Variants in SPAG17 observed in about 807,000 individuals in gnomAD.
SPAG17 encodes sperm-associated antigen 17.
Under a neutral mutation model 273.6 loss-of-function variants are expected in SPAG17, and 169 were observed. That is an observed-to-expected ratio of 0.62 (90% CI 0.55 to 0.70). The LOEUF (loss-of-function observed/expected upper bound fraction) is 0.70. Among genes scored for constraint, SPAG17 ranks in the 30% least tolerant of loss-of-function variants. SPAG17 has a pLI of 0.00. For missense variants in SPAG17, 2,557 were observed against 2,627.8 expected, an observed-to-expected ratio of 0.97 and a Z score of 0.59; for synonymous variants, 825 against 873.2, an observed-to-expected ratio of 0.94 and a Z score of 0.97.
chr1:118,144,710 T>C (rs763304122), intron 3 of SPAG17, among the ~76,000 whole-genome samples: 16 of 152,212 alleles, frequency 1.1e-4, no homozygotes, highest in Admixed American at 2.0e-4. Flanking sequence ...GAAGGACTGA[T>C]GTGGAACGGA....
At chr1:118,074,414 C>G in intron 16 of SPAG17, 125 bp downstream of exon 16, 1 of 831,306 alleles carries the variant, frequency 1.2e-6, no homozygotes, top group Non-Finnish European at 2.0e-6. Context: ...AATAGTTCCT[C>G]TTTTCTAGCC....
intron 15 of SPAG17, 88 bp from the exon 16 acceptor site, chr1:118,074,688 G>C: frequency 8.3e-7 from 1 of 1,205,072 alleles, no homozygotes; most frequent in Non-Finnish European, 1.2e-6. Context: ...TTGCCCATAT[G>C]ATCTATGTTT....
chr1:118,151,966 G>A (rs1409297318), intron 1 of SPAG17, among the ~76,000 whole-genome samples: 1 of 152,142 alleles, frequency 6.6e-6, no homozygotes, highest in African/African-American at 2.4e-5. Flanking sequence ...TAAAAAATTA[G>A]TTACTAAAGA....
intron 45 of SPAG17, among the ~76,000 whole-genome samples, chr1:117,971,103 TGAA>T (rs1654503299): frequency 6.6e-6 from 1 of 152,170 alleles, no homozygotes; most frequent in Non-Finnish European, 1.5e-5. Flanking sequence ...CAAACATTCT[TGAA>T]GGACTTACCA....
At chr1:117,995,667 AT>A (rs1169411416) in intron 34 of SPAG17, among the ~76,000 whole-genome samples, 5 of 150,720 alleles carry the variant, frequency 3.3e-5, no homozygotes, top group Non-Finnish European at 7.4e-5. Context: ...CACAAAATGT[AT>A]CCCAAAACAC....
At chr1:118,148,175 A>C (rs1659150519) in intron 3 of SPAG17, among the ~76,000 whole-genome samples, 1 of 152,148 alleles carries the variant, frequency 6.6e-6, no homozygotes, top group Non-Finnish European at 1.5e-5. Flanking sequence ...ATGTTGCAAG[A>C]CTTTCGCTCC....
chr1:118,175,811 A>G (rs1660672709), intron 1 of SPAG17, among the ~76,000 whole-genome samples: 1 of 152,198 alleles, frequency 6.6e-6, no homozygotes, highest in Admixed American at 6.5e-5. Context: ...TAAGTGCACA[A>G]ACAAACCCAG....
chr1:118,012,505 A>C, intron 29 of SPAG17, 133 bp from the exon 30 acceptor site: 295 of 881,066 alleles, frequency 3.3e-4, no homozygotes, highest in Non-Finnish European at 4.3e-4. Context: ...GTTTTATCTC[A>C]TCTACCTGAT....
chr1:118,173,320 A>C (rs573769746), intron 1 of SPAG17, among the ~76,000 whole-genome samples: 1 of 152,300 alleles, frequency 6.6e-6, no homozygotes, highest in South Asian at 2.1e-4. Context: ...GGGAGAAAGC[A>C]GCCCAATTCC....
chr1:118,151,611 G>C (rs1659391368), intron 1 of SPAG17, among the ~76,000 whole-genome samples: 1 of 152,196 alleles, frequency 6.6e-6, no homozygotes, highest in Admixed American at 6.5e-5. Flanking sequence ...TTTTGAGGAA[G>C]ACAATTTTTT....
intron 47 of SPAG17, chr1:117,966,097 T>C (rs1291324853): frequency 6.6e-6 from 1 of 152,282 alleles, no homozygotes; most frequent in Non-Finnish European, 1.5e-5. Flanking sequence ...TTATTTCTGC[T>C]ACAAATTATA....
intron 30 of SPAG17, among the ~76,000 whole-genome samples, chr1:118,011,904 A>T (rs1659507089): frequency 6.6e-6 from 1 of 152,046 alleles, no homozygotes. Flanking sequence ...TGCATACGTT[A>T]ATTCACTTGA....
chr1:118,083,727 T>C (rs923380895), intron 13 of SPAG17, among the ~76,000 whole-genome samples: 14 of 151,940 alleles, frequency 9.2e-5, no homozygotes, highest in Admixed American at 3.3e-4. Flanking sequence ...GGAGGTTATA[T>C]TGAGCTGAGA....
rs1217468949 is a variant in SPAG17, at chr1:118,135,260, G to A, written c.315+15283C>T. 3.9e-5 allele frequency among the ~76,000 whole-genome samples: 6 copies of A among 152,136 alleles called. No homozygotes were observed. In the East Asian group the frequency reaches 9.6e-4, roughly 24 times the overall value. ...GAAAGCAAGCAGTGCTAGTTCACTA[G>A]TTCAGAAAAAAGTGTCTGGTGTCAT... On this transcript the variant is annotated intron_variant, in intron 3 of 48. Transcript: ENST00000336338.
intron 17 of SPAG17, among the ~76,000 whole-genome samples, chr1:118,072,234 A>G (rs138284247): frequency 1.4e-3 from 215 of 152,354 alleles, no homozygotes; most frequent in Middle Eastern, 6.8e-3. Flanking sequence ...GTCAGTCAAT[A>G]TAAAGATAGA....
chr1:118,099,548 C>T, intron 6 of SPAG17, 58 bp downstream of exon 6: 2 of 1,428,600 alleles, frequency 1.4e-6, no homozygotes, highest in Non-Finnish European at 2.0e-6. Context: ...TATATTTGTA[C>T]TTTAAGGACA....
At chr1:118,080,708 C>G (rs1340290504) in intron 15 of SPAG17, among the ~76,000 whole-genome samples, 1 of 152,066 alleles carries the variant, frequency 6.6e-6, no homozygotes, top group Non-Finnish European at 1.5e-5. Context: ...ATAGCCTGAG[C>G]CATAAGTGGG....
At chr1:117,985,173 A>G (rs1452802991) in intron 40 of SPAG17, among the ~76,000 whole-genome samples, 1 of 152,196 alleles carries the variant, frequency 6.6e-6, no homozygotes, top group Non-Finnish European at 1.5e-5. Flanking sequence ...CAGTAGTAAC[A>G]AAAAAACCCA....
chr1:117,986,735 G>A (rs1656457166), intron 40 of SPAG17, among the ~76,000 whole-genome samples: 1 of 152,094 alleles, frequency 6.6e-6, no homozygotes, highest in Non-Finnish European at 1.5e-5. Flanking sequence ...AAAATAATGT[G>A]CTTCAGGGAA....
Sources: allele counts gnomAD v4.1 joint callset (sites outside exome capture counted in the v4.1 genomes callset), GRCh38; gene constraint gnomAD v4.1.1; transcripts MANE v1.5; gene names NCBI Gene and HGNC (gene_info 2026-07-23, HGNC 2026-07-21).